The following CD163 variants were observed in gnomAD, a reference collection of about 807,000 sequenced individuals.
The protein encoded by CD163 is scavenger receptor cysteine-rich type 1 protein M130.
Under a neutral mutation model 129.2 loss-of-function variants are expected in CD163, and 64 were observed. The observed-to-expected ratio is 0.50, with a 90% CI of 0.41 to 0.61. CD163 has a LOEUF of 0.61. Among genes scored for constraint, CD163 ranks in the 20% least tolerant of loss-of-function variants. The probability of loss-of-function intolerance (pLI) is 0.00; values close to 1 mark genes in which losing one functional copy is unlikely to be tolerated. For missense variants in CD163, 1,061 were observed against 1,377.9 expected (o/e 0.77, Z 3.64); for synonymous variants, 446 against 478.5 (o/e 0.93, Z 0.89).
intron 3 of CD163, among the ~76,000 whole-genome samples, chr12:7,500,273 C>A (rs1250225439): frequency 6.6e-6 from 1 of 151,526 alleles, no homozygotes; most frequent in African/African-American, 2.4e-5. Context: ...ATACAAAAAT[C>A]AGCCAGGTGT....
At chr12:7,484,639 CAAA>C (rs10690784) in intron 11 of CD163, among the ~76,000 whole-genome samples, 1 of 100,504 alleles carries the variant, frequency 9.9e-6, no homozygotes, top group Non-Finnish European at 1.9e-5. Context: ...AACTCTGTCT[CAAA>C]AAAAAAAAAA....
chr12:7,501,075 C>G, intron 3 of CD163, 64 bp downstream of exon 3: 1 of 1,397,880 alleles, frequency 7.2e-7, no homozygotes, highest in Non-Finnish European at 1.0e-6. Flanking sequence ...AGGTTTTAAC[C>G]CATCTACATA....
intron 5 of CD163, 58 bp from the exon 6 acceptor site, chr12:7,495,459 ATTTT>A: frequency 1.3e-6 from 2 of 1,484,196 alleles, no homozygotes; most frequent in Non-Finnish European, 9.2e-7. Flanking sequence ...CTTCCAGAGG[ATTTT>A]TTTTTGTCTT....
intron 6 of CD163, among the ~76,000 whole-genome samples, chr12:7,488,818 A>C (rs1419898193): frequency 6.6e-6 from 1 of 152,206 alleles, no homozygotes; most frequent in East Asian, 1.9e-4. Flanking sequence ...TTGTATGACA[A>C]GCCCACTATA....
Position 7,487,705 on chromosome 12 carries a change from G to T in CD163, c.1736-32C>A, listed in dbSNP as rs1949273530. On this transcript the variant is annotated intron_variant, in intron 7 of 16. Coordinates refer to ENST00000432237, the MANE Select transcript of CD163 (RefSeq NM_203416.4). This position sits in a 1 kb window ranked among gnomAD's most constrained non-coding sequence, Gnocchi z 5.1. ...GGAGACAGGGCTTTAGAAAAAGACAGCTATGACTCCCTAACCCTGTCCCTT... is the reference window on the plus strand; with the variant it reads ...GGAGACAGGGCTTTAGAAAAAGACATCTATGACTCCCTAACCCTGTCCCTT... 6.2e-7 allele frequency: 1 copy of T among 1,613,956 alleles called. No individual in the cohort carries two copies. The highest frequency in any genetic ancestry group is 1.3e-5 in the African/African-American group (1 of 74,904).
chr12:7,486,330 T>C (rs1379509155), intron 10 of CD163, among the ~76,000 whole-genome samples, 169 bp downstream of exon 10: 1 of 152,206 alleles, frequency 6.6e-6, no homozygotes, highest in Non-Finnish European at 1.5e-5. Flanking sequence ...ACTACCTTGC[T>C]CATGAAGTAC....
intron 6 of CD163, among the ~76,000 whole-genome samples, chr12:7,494,507 C>A (rs762184628): frequency 1.3e-5 from 2 of 152,052 alleles, no homozygotes; most frequent in Admixed American, 6.6e-5. Context: ...TTTTCTAAAG[C>A]CTTTTTGTTG....
chr12:7,483,527 C>T lies in CD163; in HGVS notation c.2928G>A (p.Leu976=), dbSNP rs774603375. ...VCQQLGCGPA[L]KAFKEAEFGQ... ...CAAACTCTGCTTCTTTGAATGCTTT[C>T]AAAGCTGGACCACAGCCAAGTTGTT... Residue 976 remains leucine, a synonymous_variant, in exon 12 of 17, where the codon TTG becomes TTA. Coordinates refer to ENST00000432237, the MANE Select transcript of CD163 (RefSeq NM_203416.4). 6.8e-6 allele frequency: 11 copies of T among 1,613,882 alleles called. No individual in the cohort carries two copies. Among genetic ancestry groups the T allele is most frequent in the Non-Finnish European group, 9.3e-6 (11 of 1,180,006 alleles).
intron 14 of CD163, 73 bp downstream of exon 14, chr12:7,482,570 A>G: frequency 2.6e-6 from 4 of 1,515,634 alleles, no homozygotes; most frequent in Non-Finnish European, 3.6e-6. Flanking sequence ...ATTAGACTTG[A>G]GTCTAATATT....
intron 3 of CD163, among the ~76,000 whole-genome samples, chr12:7,500,057 G>A (rs776302094): frequency 6.6e-6 from 1 of 152,210 alleles, no homozygotes; most frequent in South Asian, 2.1e-4. Flanking sequence ...TGCCTGGACA[G>A]AGATAAGTCC....
At chr12:7,486,423 A>G (rs1177692641) in intron 10 of CD163, 76 bp downstream of exon 10, 11 of 1,364,296 alleles carry the variant, frequency 8.1e-6, no homozygotes, top group Non-Finnish European at 1.1e-5. Flanking sequence ...AAAATCTTTA[A>G]GATTAATACC....
At chr12:7,489,936 T>C (rs1449474685) in intron 6 of CD163, among the ~76,000 whole-genome samples, 1 of 152,072 alleles carries the variant, frequency 6.6e-6, no homozygotes, top group East Asian at 1.9e-4. Flanking sequence ...GTAATTTTCA[T>C]GCTTCTGTGC....
At chr12:7,477,771 T>C (rs1226449911) in intron 16 of CD163, among the ~76,000 whole-genome samples, 2 of 152,008 alleles carry the variant, frequency 1.3e-5, no homozygotes, top group African/African-American at 4.8e-5. Flanking sequence ...AAAAAAAGAA[T>C]CGTCATTTTT....
chr12:7,486,301 T>C (rs886515915), intron 10 of CD163, among the ~76,000 whole-genome samples, 198 bp downstream of exon 10: 22 of 152,180 alleles, frequency 1.4e-4, no homozygotes, highest in Non-Finnish European at 2.8e-4. Flanking sequence ...TTTCTGGTCT[T>C]TTCTCTTTAC....
intron 12 of CD163, 131 bp from the exon 13 acceptor site, chr12:7,483,135 C>G: frequency 1.1e-6 from 1 of 942,384 alleles, no homozygotes; most frequent in South Asian, 1.6e-5. Context: ...AAACTAGAGT[C>G]CTCTAGTCTT....
rs1350984804 is a variant in CD163 at position 7,499,161 on chromosome 12, G to C, written c.485C>G (p.Thr162Arg). ...TCCAGAACACATATTCCCTCCACGCGTCAGCCTCATTTCCAAATTGGATCC... is the reference window on the plus strand; with the variant it reads ...TCCAGAACACATATTCCCTCCACGCCTCAGCCTCATTTCCAAATTGGATCC... ...SDGSNLEMRL[T>R]RGGNMCSGRI... Residue 162 changes from threonine to arginine, a missense_variant, in exon 4 of 17, where the codon ACG becomes AGG. Transcript: ENST00000432237. The C allele has an allele frequency of 1.2e-6, 2 of 1,611,880 alleles. No individual in the cohort carries two copies. Among genetic ancestry groups the C allele is most frequent in the Non-Finnish European group, 1.7e-6 (2 of 1,179,136 alleles).
At chr12:7,484,174 A>G (rs1591998244) in intron 11 of CD163, among the ~76,000 whole-genome samples, 1 of 152,132 alleles carries the variant, frequency 6.6e-6, no homozygotes, top group African/African-American at 2.4e-5. Context: ...CTTTTATAAG[A>G]GGACTTGTCA....
At chr12:7,477,471 C>T (rs908495404) in intron 16 of CD163, among the ~76,000 whole-genome samples, 3 of 152,078 alleles carry the variant, frequency 2.0e-5, no homozygotes, top group Non-Finnish European at 4.4e-5. Context: ...TCATTCTCAG[C>T]AAACTAACAC....
chr12:7,491,892 T>G (rs181048462), intron 6 of CD163, among the ~76,000 whole-genome samples: 91 of 152,248 alleles, frequency 6.0e-4, no homozygotes, highest in Non-Finnish European at 7.5e-4. Flanking sequence ...CTAGACCTTT[T>G]TCTGTCAACA....
Sources: allele counts gnomAD v4.1 joint callset (sites outside exome capture counted in the v4.1 genomes callset), GRCh38; gene constraint gnomAD v4.1.1; non-coding constraint Gnocchi (gnomAD v3.1); transcripts MANE v1.5; gene names NCBI Gene and HGNC (gene_info 2026-07-23, HGNC 2026-07-21).